Variants in CERS5 observed in about 807,000 individuals in gnomAD.
CERS5 encodes ceramide synthase 5, also known as LAG1 homolog, ceramide synthase 5.
In CERS5, 37 loss-of-function variants were observed where a neutral mutation model predicts 58.9. The ratio of observed to expected loss-of-function variants is 0.63; its 90% confidence interval spans 0.48 to 0.83. The LOEUF (loss-of-function observed/expected upper bound fraction) is 0.83, where lower values mean the gene tolerates loss of function less well. Ranked by LOEUF, CERS5 falls within the 40% of genes least tolerant of loss-of-function variation. CERS5 has a pLI of 0.00. For synonymous variants in CERS5, 147 were observed against 177.8 expected (o/e 0.83, Z 1.38); for missense variants, 398 against 489.3 (o/e 0.81, Z 1.76).
intron 1 of CERS5, chr12:50,166,323 CAAAAAAAA>C (rs59606341): frequency 1.0e-4 from 13 of 126,874 alleles, no homozygotes; most frequent in South Asian, 2.4e-4. Flanking sequence ...AACTCTGTCT[CAAAAAAAA>C]AAAAAAAAAA....
At chr12:50,135,536 T>G in intron 8 of CERS5, 196 bp downstream of exon 8, 1 of 704,988 alleles carries the variant, frequency 1.4e-6, no homozygotes, top group East Asian at 2.7e-5. Flanking sequence ...AAATACGGTC[T>G]GAGGCAGCAG....
rs142505145 is a variant in CERS5, at chr12:50,146,917, C to A, written c.198-2860G>T. 8.0e-3 allele frequency among the ~76,000 whole-genome samples: 1,200 copies of A among 150,704 alleles called. 18 individuals are homozygous for A. Among genetic ancestry groups the A allele is most frequent in the African/African-American group, 0.028 (1,141 of 41,010 alleles). On this transcript the variant is annotated intron_variant, in intron 1 of 9. Transcript: ENST00000317551. ...GTTTATTTTGTGCTACAGAATGAAG[C>A]TTTATTATATTTTCCAGATGTGATT...
chr12:50,149,511 T>A (rs1937707781), intron 1 of CERS5, among the ~76,000 whole-genome samples: 1 of 152,214 alleles, frequency 6.6e-6, no homozygotes, highest in South Asian at 2.1e-4. Context: ...TTCACAATGC[T>A]ACTTTTGTGA....
intron 1 of CERS5, among the ~76,000 whole-genome samples, chr12:50,164,126 A>G (rs1939612053): frequency 6.7e-6 from 1 of 148,758 alleles, no homozygotes; most frequent in South Asian, 2.1e-4. Flanking sequence ...TGCCCAGCTA[A>G]TTTTTATATT....
chr12:50,144,681 G>C (rs1425431709), intron 1 of CERS5: 2 of 693,272 alleles, frequency 2.9e-6, no homozygotes, highest in Non-Finnish European at 4.7e-6. Flanking sequence ...CAGGAAGCTA[G>C]GAAAGGTGAG....
intron 1 of CERS5, among the ~76,000 whole-genome samples, chr12:50,164,634 T>A (rs769703392): frequency 1.3e-5 from 2 of 152,176 alleles, no homozygotes; most frequent in Non-Finnish European, 2.9e-5. Context: ...CCAAGAATTA[T>A]CATACTAGAA....
At chr12:50,147,007 T>C (rs1312907350) in intron 1 of CERS5, among the ~76,000 whole-genome samples, 1 of 152,222 alleles carries the variant, frequency 6.6e-6, no homozygotes, top group East Asian at 1.9e-4. Context: ...ACACAGTTAA[T>C]GAATTACCTT....
intron 1 of CERS5, among the ~76,000 whole-genome samples, chr12:50,161,755 T>C (rs1939284100): frequency 1.7e-5 from 2 of 115,194 alleles, no homozygotes; most frequent in East Asian, 6.6e-4. Context: ...CCAGCCTGGG[T>C]GAGAGAGTGA....
At chr12:50,136,677 A>G (rs1951713518) in intron 6 of CERS5, among the ~76,000 whole-genome samples, 1 of 152,164 alleles carries the variant, frequency 6.6e-6, no homozygotes, top group Non-Finnish European at 1.5e-5. Flanking sequence ...CCAGTAAGAC[A>G]TACAAGCCTT....
intron 1 of CERS5, 120 bp from the exon 2 acceptor site, chr12:50,144,177 T>C (rs1450888372): frequency 1.6e-6 from 1 of 610,024 alleles, no homozygotes; most frequent in Non-Finnish European, 2.9e-6. Context: ...GTATACATAG[T>C]ATAATGATGA....
In CERS5 at chr12:50,130,008, C is replaced by T. The variant is rs552525721; in HGVS notation, c.*537G>A. 1 of 152,766 alleles carries T rather than the reference C, an allele frequency of 6.5e-6. No individual in the cohort carries two copies. Among genetic ancestry groups the T allele is most frequent in the South Asian group, 2.1e-4 (1 of 4,820 alleles). The allele number at this position is 152,766 out of a possible 1,614,324, so 9.5% of individuals were successfully genotyped here. A position where few individuals can be genotyped will look rare whatever the true frequency, so the allele number is the denominator to read the frequency against. ...GGATCTAGCTAGGGACCACGGCAAT[C>T]CTGGCCATCCATCCATGGTTCTGTT... On this transcript the variant is annotated 3_prime_UTR_variant, in exon 10 of 10. Coordinates refer to ENST00000317551, the MANE Select transcript of CERS5 (RefSeq NM_147190.5).
intron 1 of CERS5, among the ~76,000 whole-genome samples, chr12:50,159,041 G>A (rs1001742878): frequency 5.9e-5 from 9 of 152,186 alleles, no homozygotes; most frequent in African/African-American, 4.8e-5. Flanking sequence ...TACTCAAGCG[G>A]CCGGGCGCGG....
At chr12:50,139,464 C>T (rs1440798875) in intron 4 of CERS5, among the ~76,000 whole-genome samples, 2 of 151,820 alleles carry the variant, frequency 1.3e-5, no homozygotes, top group Non-Finnish European at 2.9e-5. Context: ...GCCTGGGTGA[C>T]AGAGTAAGAC....
Position 50,142,102 on chromosome 12 carries a change from A to T in CERS5, c.443T>A (p.Phe148Tyr). The change falls in exon 4 of 10, where the codon TTC (phenylalanine) becomes TAC (tyrosine). Residue 148 changes from phenylalanine (F) to tyrosine (Y), a missense_variant. Phe to Tyr is a conservative substitution (Grantham distance 22, BLOSUM62 3). Around this residue, in one of 3 missense-constraint regions of CERS5, gnomAD observed 328 missense variants for 384.5 expected, o/e 0.85. Transcript: ENST00000317551. Reference sequence around the variant, plus strand: ...GCAGAATATACATAAATAAAATGTGAATCTCCACCTGGGTGGGCAAAGAGT... The same window carrying T: ...GCAGAATATACATAAATAAAATGTGTATCTCCACCTGGGTGGGCAAAGAGT... ...LTKFCESMWR[F>Y]TFYLCIFCYG... is the part of the protein sequence containing the mutation. 1 of 1,604,194 alleles carries T rather than the reference A, an allele frequency of 6.2e-7. No individual in the cohort carries two copies. The highest frequency in any genetic ancestry group is 8.5e-7 in the Non-Finnish European group (1 of 1,172,056).
At chr12:50,150,314 T>C (rs1183080362) in intron 1 of CERS5, among the ~76,000 whole-genome samples, 2 of 152,050 alleles carry the variant, frequency 1.3e-5, no homozygotes, top group Admixed American at 6.6e-5. Context: ...TGAGCCCTGA[T>C]TGTGCCACTA....
At chr12:50,147,692 A>G (rs1220513965) in intron 1 of CERS5, among the ~76,000 whole-genome samples, 1 of 152,220 alleles carries the variant, frequency 6.6e-6, no homozygotes, top group Non-Finnish European at 1.5e-5. Context: ...CAGCTGCCAG[A>G]TATTTTCAAA....
intron 8 of CERS5, chr12:50,135,308 AGTGTGTGTGT>A (rs56858635): frequency 0.038 from 6,394 of 168,540 alleles, 398 homozygotes; most frequent in African/African-American, 0.15. Context: ...GAGAGAGAGG[AGTGTGTGTGT>A]GTGTGTGTGT....
intron 1 of CERS5, among the ~76,000 whole-genome samples, chr12:50,164,625 C>T (rs1185374767): frequency 6.6e-6 from 1 of 152,144 alleles, no homozygotes; most frequent in East Asian, 1.9e-4. Context: ...CTTTACTAGC[C>T]AAGAATTATC....
At chr12:50,150,120 A>G (rs1045073880) in intron 1 of CERS5, among the ~76,000 whole-genome samples, 3 of 152,326 alleles carry the variant, frequency 2.0e-5, no homozygotes, top group Non-Finnish European at 2.9e-5. Context: ...GGAAAAATAT[A>G]AAGTGCCAAA....
Sources: allele counts gnomAD v4.1 joint callset (sites outside exome capture counted in the v4.1 genomes callset), GRCh38; gene constraint gnomAD v4.1.1; regional missense constraint gnomAD v4.1.1; transcripts MANE v1.5; gene names NCBI Gene and HGNC (gene_info 2026-07-23, HGNC 2026-07-21).